EYS: variants seen among roughly 807,000 people sequenced by gnomAD.
EYS encodes EGF-like photoreceptor maintenance factor.
In EYS, 250 loss-of-function variants were observed where a neutral mutation model predicts 282.1. The observed-to-expected ratio is 0.89, with a 90% confidence interval of 0.80 to 0.98. The LOEUF (loss-of-function observed/expected upper bound fraction) is 0.98. EYS is among the 50% of genes least tolerant of loss of function. The pLI is 0.00. For missense variants in EYS, 4,016 were observed against 3,709.0 expected (o/e 1.08, Z -2.15); for synonymous variants, 1,355 against 1,282.9 (o/e 1.06, Z -1.20).
intron 26 of EYS, among the ~76,000 whole-genome samples, chr6:64,573,944 A>G (rs1401727225): frequency 3.9e-5 from 6 of 151,962 alleles, no homozygotes; most frequent in Admixed American, 3.9e-4. Flanking sequence ...TCAAAGGATT[A>G]TAAATAATTC....
At chr6:64,587,159 G>A (rs1267684340) in intron 26 of EYS, among the ~76,000 whole-genome samples, 2 of 152,154 alleles carry the variant, frequency 1.3e-5, no homozygotes, top group South Asian at 4.1e-4. Flanking sequence ...GCCTCACTTT[G>A]TTAATCGCAA....
At chr6:65,375,306 A>G (rs986495825) in intron 8 of EYS, among the ~76,000 whole-genome samples, 2 of 152,202 alleles carry the variant, frequency 1.3e-5, no homozygotes, top group Admixed American at 6.5e-5. Context: ...GACCATCAGA[A>G]GAAAAACCAA....
intron 12 of EYS, among the ~76,000 whole-genome samples, chr6:65,263,703 C>CTGTGTGTG (rs3042394): frequency 0.021 from 2,974 of 141,378 alleles, 91 homozygotes; most frequent in African/African-American, 0.067. Context: ...CAAGGCAAAG[C>CTGTGTGTG]TGTGTGTGTG....
chr6:65,344,509 TAACAAAA>T (rs1364306799), intron 9 of EYS, among the ~76,000 whole-genome samples: 8 of 151,386 alleles, frequency 5.3e-5, no homozygotes, highest in African/African-American at 1.9e-4. Context: ...CACTGTCCTA[TAACAAAA>T]ATAAAAGCAG....
At chr6:65,615,894 AC>A (rs1446330689) in intron 2 of EYS, among the ~76,000 whole-genome samples, 8 of 151,844 alleles carry the variant, frequency 5.3e-5, no homozygotes, top group African/African-American at 1.9e-4. Flanking sequence ...AGATCGCACC[AC>A]TGCACTCCAG....
chr6:64,997,551 T>A (rs1038027033), intron 14 of EYS, 31 bp downstream of exon 14: 1 of 1,545,870 alleles, frequency 6.5e-7, no homozygotes, highest in Non-Finnish European at 8.8e-7. Context: ...TAGTCCACAT[T>A]TAGGTATATA....
chr6:65,639,443 C>T (rs779885762), intron 2 of EYS, among the ~76,000 whole-genome samples: 2 of 151,768 alleles, frequency 1.3e-5, no homozygotes, highest in Non-Finnish European at 2.9e-5. Flanking sequence ...GAAAGAGATG[C>T]ATTTAATAAT....
At chr6:64,963,714 A>G (rs187231531) in intron 14 of EYS, among the ~76,000 whole-genome samples, 2 of 152,190 alleles carry the variant, frequency 1.3e-5, no homozygotes, top group Non-Finnish European at 2.9e-5. Flanking sequence ...AATATTATCT[A>G]TGTTCAAACA....
At chr6:64,379,826 C>CAT (rs978388705) in intron 29 of EYS, 1 of 152,056 alleles carries the variant, frequency 6.6e-6, no homozygotes, top group African/African-American at 2.4e-5. Context: ...CATATGCCTA[C>CAT]ATATATATGC....
chr6:64,081,795 C>T, intron 32 of EYS, 61 bp downstream of exon 32: 2 of 1,256,428 alleles, frequency 1.6e-6, no homozygotes, highest in Non-Finnish European at 2.2e-6. Context: ...ATCATTGATT[C>T]AATAGATCAA....
chr6:63,958,470 C>G (rs558797772), intron 35 of EYS, among the ~76,000 whole-genome samples: 1 of 152,164 alleles, frequency 6.6e-6, no homozygotes, highest in Non-Finnish European at 1.5e-5. Context: ...TTAATCCTCT[C>G]TTCATAACAT....
At chr6:65,184,674 T>A (rs924123636) in intron 12 of EYS, among the ~76,000 whole-genome samples, 1 of 151,770 alleles carries the variant, frequency 6.6e-6, no homozygotes, top group Non-Finnish European at 1.5e-5. Context: ...AACATATTTT[T>A]AAAACTGAAT....
At chr6:64,417,048 C>T (rs11758090) in intron 28 of EYS, among the ~76,000 whole-genome samples, 22 of 152,004 alleles carry the variant, frequency 1.4e-4, no homozygotes, top group African/African-American at 3.1e-4. Context: ...CAACATTGTA[C>T]GGTACTGCAA....
intron 22 of EYS, among the ~76,000 whole-genome samples, chr6:64,772,200 G>A (rs1773546548): frequency 1.3e-5 from 2 of 151,502 alleles, no homozygotes; most frequent in Admixed American, 6.6e-5. Context: ...AATCCATTTT[G>A]GGGTAGACTT....
rs544613279 is a variant in EYS, at chr6:64,832,090, T to G, written c.2993-9268A>C. On this transcript the variant is annotated intron_variant, in intron 19 of 42. Coordinates refer to ENST00000503581, the MANE Select transcript of EYS (RefSeq NM_001142800.2). Reference sequence around the variant, plus strand: ...GTAACAGTTTATAGATGAGTCGGACTTCTGTTCTAATTAATACATAATTAC... The same window carrying G: ...GTAACAGTTTATAGATGAGTCGGACGTCTGTTCTAATTAATACATAATTAC... Among the ~76,000 whole-genome samples, 8 of 151,994 alleles carry G rather than the reference T, an allele frequency of 5.3e-5. No individual in the cohort carries two copies. The South Asian group carries it at 1.7e-3, about 32-fold the overall frequency.
chr6:64,944,852 C>T (rs1769221954), intron 15 of EYS, among the ~76,000 whole-genome samples: 1 of 152,058 alleles, frequency 6.6e-6, no homozygotes, highest in African/African-American at 2.4e-5. Flanking sequence ...ATTCTTTACT[C>T]CACTGACATG....
intron 22 of EYS, among the ~76,000 whole-genome samples, chr6:64,807,081 C>T (rs955013918): frequency 6.6e-6 from 1 of 152,030 alleles, no homozygotes; most frequent in Non-Finnish European, 1.5e-5. Context: ...GTTAATAATA[C>T]TTATGGATTT....
intron 33 of EYS, among the ~76,000 whole-genome samples, chr6:64,028,315 C>T (rs1230245012): frequency 1.3e-5 from 2 of 152,192 alleles, no homozygotes; most frequent in African/African-American, 2.4e-5. Context: ...AGGCCTGAAG[C>T]TCATAAAGGA....
At chr6:65,481,314 A>G (rs1765598551) in intron 5 of EYS, among the ~76,000 whole-genome samples, 2 of 149,112 alleles carry the variant, frequency 1.3e-5, no homozygotes, top group Non-Finnish European at 3.0e-5. Context: ...AGACATTCAA[A>G]TTGGCATATA....
Sources: allele counts gnomAD v4.1 joint callset (sites outside exome capture counted in the v4.1 genomes callset), GRCh38; gene constraint gnomAD v4.1.1; transcripts MANE v1.5; gene names NCBI Gene and HGNC (gene_info 2026-07-23, HGNC 2026-07-21).